Variants in TRPM3 observed in about 807,000 individuals in gnomAD.
TRPM3 encodes long transient receptor potential channel 3.
In TRPM3, 77 loss-of-function variants were observed where a neutral mutation model predicts 181.2. That is an observed-to-expected ratio of 0.42 (90% CI 0.35 to 0.51). The LOEUF is 0.51. Ranked by LOEUF, TRPM3 falls within the 20% of genes least tolerant of loss-of-function variation. The pLI, the probability that TRPM3 is intolerant of heterozygous loss-of-function variation, is 0.01. For missense variants in TRPM3, 1,759 were observed against 2,196.7 expected (o/e 0.80, Z 3.98); for synonymous variants, 745 against 796.4 (o/e 0.94, Z 1.09).
chr9:70,877,227 C>T (rs918481634), intron 1 of TRPM3, among the ~76,000 whole-genome samples: 63 of 151,994 alleles, frequency 4.1e-4, no homozygotes, highest in African/African-American at 1.5e-3. Flanking sequence ...CCTTACATGT[C>T]ACATCCTAGC....
intron 6 of TRPM3, among the ~76,000 whole-genome samples, chr9:70,816,171 A>G (rs1254619862): frequency 6.6e-6 from 1 of 152,252 alleles, no homozygotes; most frequent in Non-Finnish European, 1.5e-5. Context: ...AAAGTGACCC[A>G]GTTCACTATT....
In TRPM3 at chr9:70,686,686, T is replaced by C. The variant is rs1045955481; in HGVS notation, c.1273-5108A>G. 1.6e-3 allele frequency among the ~76,000 whole-genome samples: 93 copies of C among 58,864 alleles called. 1 individual carries two copies. The highest frequency in any genetic ancestry group is 3.5e-3 in the East Asian group (6 of 1,732). 38.6% of individuals were successfully genotyped at this position (58,864 alleles called of 152,430 possible). ...TTCCTTCCTGGAAACTCCTTCCTTC[T>C]TTCCTTCCTTCCTTCCTTCCTTCCT... On this transcript the variant is annotated intron_variant, in intron 8 of 25. Coordinates refer to ENST00000677713, the MANE Select transcript of TRPM3 (RefSeq NM_001366145.2).
chr9:70,769,182 G>C lies in TRPM3; in HGVS notation c.1149-7458C>G, dbSNP rs181787461. On this transcript the variant is annotated intron_variant, in intron 7 of 25. Transcript: ENST00000677713. Reference sequence around the variant, plus strand: ...AAGATAACATCTCTACTTGCATACAGAATTTAAGATTTGTCTATGGTCTTG... The same window carrying C: ...AAGATAACATCTCTACTTGCATACACAATTTAAGATTTGTCTATGGTCTTG... 9.1e-4 allele frequency among the ~76,000 whole-genome samples: 139 copies of C among 152,208 alleles called. 1 individual carries two copies. The South Asian group carries it at 0.023, about 25-fold the overall frequency.
At chr9:71,066,601 C>G (rs1322417772) in intron 1 of TRPM3, among the ~76,000 whole-genome samples, 1 of 151,914 alleles carries the variant, frequency 6.6e-6, no homozygotes, top group African/African-American at 2.4e-5. Context: ...GTCTTATATA[C>G]AGAGTGGGGT....
rs189813531 is a variant in TRPM3 at position 71,406,290 on chromosome 9, G to A, written c.183+40363C>T. 1.6e-4 allele frequency among the ~76,000 whole-genome samples: 25 copies of A among 152,202 alleles called. No individual in the cohort carries two copies. The South Asian group carries it at 1.7e-3, about 10-fold the overall frequency. On this transcript the variant is annotated intron_variant, in intron 1 of 24. Transcript: ENST00000357533. Reference sequence around the variant, plus strand: ...ATGAAGAACAATGCAAAAGGAACACGGCAGAGTCTCTGTCAATACAAATAT... The same window carrying A: ...ATGAAGAACAATGCAAAAGGAACACAGCAGAGTCTCTGTCAATACAAATAT...
chr9:70,622,217 G>A (rs755893265), intron 14 of TRPM3, among the ~76,000 whole-genome samples: 6 of 152,064 alleles, frequency 3.9e-5, no homozygotes. Flanking sequence ...AAATCTGCTC[G>A]TCCCTAGATA....
chr9:70,915,168 T>C (rs574428923), intron 1 of TRPM3, among the ~76,000 whole-genome samples: 2 of 152,302 alleles, frequency 1.3e-5, no homozygotes, highest in Non-Finnish European at 2.9e-5. Flanking sequence ...AAATAGCTGT[T>C]TTGAGGAAAC....
At chr9:71,045,795 G>A (rs183452255) in intron 1 of TRPM3, among the ~76,000 whole-genome samples, 28 of 152,222 alleles carry the variant, frequency 1.8e-4, no homozygotes, top group Admixed American at 1.4e-3. Context: ...AGAGTTTAGC[G>A]TACTATGTAA....
chr9:71,188,108 G>A (rs2077794192), intron 1 of TRPM3, among the ~76,000 whole-genome samples: 1 of 151,818 alleles, frequency 6.6e-6, no homozygotes, highest in Admixed American at 6.6e-5. Context: ...GGGCACAAGT[G>A]CAAGTCTGTC....
rs116829454 is a variant in TRPM3 at position 71,159,545 on chromosome 9, C to T, written c.183+287108G>A. Among the ~76,000 whole-genome samples the T allele has an allele frequency of 9.2e-3, 1,397 of 152,144 alleles. 22 individuals are homozygous for T. The highest frequency in any genetic ancestry group is 0.032 in the African/African-American group (1,322 of 41,516). On this transcript the variant is annotated intron_variant, in intron 1 of 24. Coordinates refer to the TRPM3 transcript ENST00000357533. ...AAAATCCTAACGAACATAAAGCCTA[C>T]GAATATATCATTTTATCTCCCCATC... is the stretch of plus-strand genomic sequence containing the variant.
intron 1 of TRPM3, among the ~76,000 whole-genome samples, chr9:71,120,730 T>C (rs1292910011): frequency 6.6e-6 from 1 of 151,936 alleles, no homozygotes; most frequent in African/African-American, 2.4e-5. Context: ...ATGAGGAGAA[T>C]CCTTTGTTCT....
chr9:70,850,297 A>G (rs80257005), intron 3 of TRPM3, among the ~76,000 whole-genome samples: 4,388 of 152,292 alleles, frequency 0.029, 89 homozygotes, highest in Middle Eastern at 0.058. Context: ...AGGAGCATTC[A>G]GGCAGAAGAG....
At chr9:70,806,349 T>C (rs1458035448) in intron 6 of TRPM3, among the ~76,000 whole-genome samples, 2 of 152,154 alleles carry the variant, frequency 1.3e-5, no homozygotes, top group African/African-American at 4.8e-5. Flanking sequence ...GTTTTCCTCA[T>C]TTGCCTCAGG....
chr9:70,833,937 A>C (rs1323312602), intron 5 of TRPM3, among the ~76,000 whole-genome samples: 1 of 152,058 alleles, frequency 6.6e-6, no homozygotes, highest in Non-Finnish European at 1.5e-5. Flanking sequence ...GAGAAGTGGG[A>C]AGGAACCTCT....
chr9:70,590,140 C>T (rs779835085), intron 22 of TRPM3, among the ~76,000 whole-genome samples: 2 of 152,186 alleles, frequency 1.3e-5, no homozygotes, highest in Non-Finnish European at 2.9e-5. Context: ...AATGAGAAAT[C>T]ATTGCTCCTG....
intron 1 of TRPM3, among the ~76,000 whole-genome samples, chr9:71,439,086 T>G (rs2094093504): frequency 6.6e-6 from 1 of 152,188 alleles, no homozygotes; most frequent in African/African-American, 2.4e-5. Context: ...TAAACTACCT[T>G]TGGTAAAAAC....
At chr9:70,956,878 C>A (rs1243669172) in intron 1 of TRPM3, among the ~76,000 whole-genome samples, 1 of 151,266 alleles carries the variant, frequency 6.6e-6, no homozygotes, top group Non-Finnish European at 1.5e-5. Flanking sequence ...AGAGAAAGAC[C>A]ATATCTCCCC....
At chr9:71,057,331 T>G (rs2060783627) in intron 1 of TRPM3, among the ~76,000 whole-genome samples, 1 of 152,094 alleles carries the variant, frequency 6.6e-6, no homozygotes, top group Non-Finnish European at 1.5e-5. Flanking sequence ...GGTTGTTGTC[T>G]TCTCATTCTG....
chr9:71,243,690 A>G (rs2081860776), intron 1 of TRPM3, among the ~76,000 whole-genome samples: 1 of 152,230 alleles, frequency 6.6e-6, no homozygotes, highest in South Asian at 2.1e-4. Context: ...CTGATCACTT[A>G]CTAAACAGCA....
Sources: gnomAD v4.1 joint callset for allele counts (sites outside exome capture counted in the v4.1 genomes callset) on GRCh38, gnomAD v4.1.1 for gene constraint, MANE v1.5 for transcripts, NCBI Gene and HGNC (gene_info 2026-07-23, HGNC 2026-07-21) for gene names.